Variants in MMP17 observed in about 807,000 individuals in gnomAD.
The protein encoded by MMP17 is matrix metallopeptidase 17.
Under a neutral mutation model 49.1 loss-of-function variants are expected in MMP17, and 54 were observed. The ratio of observed to expected loss-of-function variants is 1.10; its 90% CI spans 0.88 to 1.38. MMP17 has a LOEUF of 1.38. Ranked by LOEUF, MMP17 falls within the 40% of genes most tolerant of loss-of-function variation. The pLI, the probability that MMP17 is intolerant of heterozygous loss-of-function variation, is 0.00. For synonymous variants in MMP17, 397 were observed against 383.1 expected, an observed-to-expected ratio of 1.04 and a Z score of -0.42; for missense variants, 837 against 853.7, an observed-to-expected ratio of 0.98 and a Z score of 0.24.
At chr12:131,843,421 T>C (rs1363089687) in intron 5 of MMP17, among the ~76,000 whole-genome samples, 1 of 151,908 alleles carries the variant, frequency 6.6e-6, no homozygotes. Context: ...AATTTTTAGA[T>C]TTTTTTGTAG....
intron 1 of MMP17, among the ~76,000 whole-genome samples, chr12:131,835,231 G>A (rs967988794): frequency 2.0e-5 from 3 of 152,212 alleles, no homozygotes; most frequent in East Asian, 3.9e-4. Flanking sequence ...CCCAAGATTC[G>A]ATGCCATTCT....
rs1012901885 is a variant in MMP17, at chr12:131,846,820, C to T, written c.1204+1371C>T. ...TGGCAGCCACTCCCACAGTCACGGG[C>T]GGGACCCCGTTTCCTTGCCGAGGTA... On this transcript the variant is annotated intron_variant, in intron 8 of 9. Coordinates refer to ENST00000360564, the MANE Select transcript of MMP17 (RefSeq NM_016155.7). This position sits in a 1 kb window ranked among gnomAD's most constrained non-coding sequence, Gnocchi z 4.6. Among the ~76,000 whole-genome samples the T allele has an allele frequency of 2.0e-5, 3 of 152,146 alleles. No homozygotes were observed. The highest frequency in any genetic ancestry group is 2.4e-5 in the African/African-American group (1 of 41,418).
At chr12:131,849,029 G>A (rs952116660) in intron 8 of MMP17, among the ~76,000 whole-genome samples, 2 of 152,258 alleles carry the variant, frequency 1.3e-5, no homozygotes, top group South Asian at 2.1e-4. Context: ...CTCCCTCCCC[G>A]GCAGCGCCCG....
chr12:131,837,851 C>T (rs1887160295), intron 1 of MMP17, among the ~76,000 whole-genome samples: 1 of 152,196 alleles, frequency 6.6e-6, no homozygotes, highest in Admixed American at 6.5e-5. Flanking sequence ...GCTGGGACTA[C>T]AGGCACCTGC....
chr12:131,840,438 G>A (rs907996586), intron 3 of MMP17, 135 bp from the exon 4 acceptor site: 10 of 907,150 alleles, frequency 1.1e-5, no homozygotes, highest in Admixed American at 4.7e-5. Context: ...GACTCCTGGC[G>A]TGGGGAGGAA....
intron 2 of MMP17, 60 bp from the exon 3 acceptor site, chr12:131,838,552 C>G (rs955069599): frequency 6.4e-7 from 1 of 1,551,168 alleles, no homozygotes; most frequent in Non-Finnish European, 8.7e-7. Flanking sequence ...TGCGGATGCT[C>G]GGGATCCTAG....
intron 1 of MMP17, among the ~76,000 whole-genome samples, chr12:131,832,914 G>A (rs1478462232): frequency 6.6e-6 from 1 of 151,294 alleles, no homozygotes; most frequent in East Asian, 1.9e-4. Flanking sequence ...TGTGAGCACC[G>A]CCCCACGCAT....
chr12:131,833,335 G>C (rs1380572186), intron 1 of MMP17, among the ~76,000 whole-genome samples: 1 of 152,236 alleles, frequency 6.6e-6, no homozygotes, highest in African/African-American at 2.4e-5. Context: ...CGCCTGAGAC[G>C]CGTGTATGTG....
chr12:131,845,818 C>T (rs967421518), intron 8 of MMP17, among the ~76,000 whole-genome samples: 6 of 152,124 alleles, frequency 3.9e-5, no homozygotes, highest in African/African-American at 1.2e-4. Context: ...AACTAGGGAA[C>T]AGTGTTCCAG....
chr12:131,851,174 C>G lies in MMP17; in HGVS notation c.1712C>G (p.Pro571Arg), dbSNP rs951277941. 3 of 1,485,922 alleles carry G rather than the reference C, an allele frequency of 2.0e-6. No homozygotes were observed. The highest frequency in any genetic ancestry group is 2.6e-5 in the East Asian group (1 of 38,330). 92.0% of individuals were successfully genotyped at this position (1,485,922 alleles called of 1,614,324 possible). Residue 571 changes from proline (P) to arginine (R), a missense_variant, in exon 10 of 10, where the codon CCG becomes CGG. Coordinates refer to ENST00000360564, the MANE Select transcript of MMP17 (RefSeq NM_016155.7). ...TGCACCTCTGGGGCATCCTCTCCCC[C>G]GGGGGCCCCAGGCCCACTGGTGGCT... ...CSCTSGASSPPGAPGPLVAAT... is the reference protein window; with the variant it reads ...CSCTSGASSPRGAPGPLVAAT...
chr12:131,844,767 C>T, intron 6 of MMP17: 1 of 333,062 alleles, frequency 3.0e-6, no homozygotes, highest in East Asian at 5.9e-5. Flanking sequence ...TCTTGTAGGA[C>T]CGAATTCTAG....
At chr12:131,840,512 C>G in intron 3 of MMP17, 61 bp from the exon 4 acceptor site, 2 of 1,514,880 alleles carry the variant, frequency 1.3e-6, no homozygotes, top group Non-Finnish European at 1.8e-6. Flanking sequence ...TTCAGGGAAC[C>G]TCGGCCTGGG....
At chr12:131,836,692 G>A (rs1352084360) in intron 1 of MMP17, among the ~76,000 whole-genome samples, 2 of 151,950 alleles carry the variant, frequency 1.3e-5, no homozygotes, top group African/African-American at 2.4e-5. Context: ...AAAAAAGACA[G>A]GTTTGCAGGC....
At chr12:131,840,428 G>A in intron 3 of MMP17, 145 bp from the exon 4 acceptor site, 1 of 828,118 alleles carries the variant, frequency 1.2e-6, no homozygotes, top group Non-Finnish European at 1.9e-6. Flanking sequence ...TGCATCGGAT[G>A]ACTCCTGGCG....
At chr12:131,832,356 G>C (rs538651791) in intron 1 of MMP17, among the ~76,000 whole-genome samples, 1 of 120,092 alleles carries the variant, frequency 8.3e-6, no homozygotes, top group African/African-American at 3.1e-5. Flanking sequence ...GGGATGGGAA[G>C]GGGGAAGGCT....
chr12:131,834,643 G>C (rs994984204), intron 1 of MMP17, among the ~76,000 whole-genome samples: 2 of 152,110 alleles, frequency 1.3e-5, no homozygotes, highest in African/African-American at 4.8e-5. Flanking sequence ...CCTGGCGGGA[G>C]AGGAGGGGTG....
At chr12:131,845,036 A>G in intron 6 of MMP17, 82 bp from the exon 7 acceptor site, 2 of 1,308,256 alleles carry the variant, frequency 1.5e-6, no homozygotes, top group Non-Finnish European at 2.1e-6. Context: ...CATGCCGCTC[A>G]GGTCAGGGGC....
chr12:131,831,485 G>A (rs953348727), intron 1 of MMP17, among the ~76,000 whole-genome samples: 3 of 151,922 alleles, frequency 2.0e-5, no homozygotes, highest in Non-Finnish European at 4.4e-5. Context: ...CCTTGTCATC[G>A]CCCTGGCTGG....
chr12:131,848,575 G>T (rs1023254422), intron 8 of MMP17, among the ~76,000 whole-genome samples: 7 of 136,286 alleles, frequency 5.1e-5, no homozygotes, highest in Non-Finnish European at 7.9e-5. Flanking sequence ...GCCCCGCCCC[G>T]CCCCTGGGCA....
Sources: allele counts gnomAD v4.1 joint callset (sites outside exome capture counted in the v4.1 genomes callset), GRCh38; gene constraint gnomAD v4.1.1; non-coding constraint Gnocchi (gnomAD v3.1); transcripts MANE v1.5; gene names NCBI Gene and HGNC (gene_info 2026-07-23, HGNC 2026-07-21).